Variants in C20orf96 observed in about 807,000 individuals in gnomAD.
C20orf96 encodes the protein chromosome 20 open reading frame 96.
In C20orf96, 57 loss-of-function variants were observed where a neutral mutation model predicts 52.6. The observed-to-expected ratio is 1.08, with a 90% CI of 0.88 to 1.35. The LOEUF is 1.35. Ranked by LOEUF, C20orf96 falls within the 40% of genes most tolerant of loss-of-function variation. C20orf96 has a pLI of 0.00. For synonymous variants in C20orf96, 168 were observed against 157.2 expected, an observed-to-expected ratio of 1.07 and a Z score of -0.51; for missense variants, 478 against 443.6, an observed-to-expected ratio of 1.08 and a Z score of -0.70.
At chr20:289,828 T>C in intron 2 of C20orf96, 152 bp from the exon 3 acceptor site, 1 of 639,208 alleles carries the variant, frequency 1.6e-6, no homozygotes, top group Non-Finnish European at 2.8e-6. Flanking sequence ...AACCTACTTC[T>C]GTGGATTGGC....
chr20:284,267 T>C (rs2012326778), intron 3 of C20orf96, among the ~76,000 whole-genome samples, 186 bp from the exon 4 acceptor site: 1 of 152,158 alleles, frequency 6.6e-6, no homozygotes, highest in African/African-American at 2.4e-5. Flanking sequence ...GGACAGACTC[T>C]GGGCCTCAAT....
intron 3 of C20orf96, among the ~76,000 whole-genome samples, chr20:285,387 A>C (rs186948285): frequency 4.6e-5 from 7 of 152,344 alleles, no homozygotes; most frequent in African/African-American, 1.7e-4. Flanking sequence ...TAATCTCTTT[A>C]ATAGATCAAT....
In C20orf96 at chr20:277,057, C is replaced by A; in HGVS notation, c.812G>T (p.Ser271Ile). 5.6e-6 allele frequency: 9 copies of A among 1,613,660 alleles called. No homozygotes were observed. The highest frequency in any genetic ancestry group is 7.6e-6 in the Non-Finnish European group (9 of 1,179,694). The change falls in exon 8 of 11, where the codon AGT becomes ATT. Residue 271 changes from serine (S) to isoleucine (I), a missense_variant. Ser to Ile is a moderately radical substitution (Grantham distance 142, BLOSUM62 -2). Coordinates refer to ENST00000360321, the MANE Select transcript of C20orf96 (RefSeq NM_153269.3). ...KIQKKKKKIL[S>I]SVVAETQRPY... is the part of the protein sequence containing the mutation. ...CTGGCTACTCACCGCCACCACAGAA[C>A]TCAGAATTTTTTTCTTCTTCTTCTG...
intron 2 of C20orf96, 64 bp downstream of exon 2, chr20:290,195 G>A: frequency 7.8e-7 from 1 of 1,279,136 alleles, no homozygotes; most frequent in Non-Finnish European, 1.1e-6. Context: ...CCGTGAGAGT[G>A]GAGAGCAGGT....
intron 3 of C20orf96, among the ~76,000 whole-genome samples, chr20:289,212 A>G (rs2012473200): frequency 6.7e-6 from 1 of 149,274 alleles, no homozygotes; most frequent in Non-Finnish European, 1.5e-5. Context: ...CCCAAAAAAA[A>G]TGCCCACATA....
chr20:290,459 T>A (rs960785734), intron 1 of C20orf96, 132 bp downstream of exon 1: 8 of 1,507,388 alleles, frequency 5.3e-6, no homozygotes, highest in Admixed American at 4.4e-5. Flanking sequence ...CAAGGAGATG[T>A]GGGCGGGGAG....
chr20:287,245 CTT>C (rs1467543334), intron 3 of C20orf96, among the ~76,000 whole-genome samples: 1 of 152,238 alleles, frequency 6.6e-6, no homozygotes, highest in Non-Finnish European at 1.5e-5. Context: ...AATGGCCACA[CTT>C]GTTTCCAGAG....
chr20:284,730 G>A (rs112678900), intron 3 of C20orf96, among the ~76,000 whole-genome samples: 3,295 of 152,258 alleles, frequency 0.022, 107 homozygotes, highest in African/African-American at 0.075. Context: ...GATGATGGGC[G>A]CCTGTAATCC....
At chr20:272,700 C>T (rs143040181) in intron 10 of C20orf96, among the ~76,000 whole-genome samples, 4 of 152,188 alleles carry the variant, frequency 2.6e-5, no homozygotes, top group East Asian at 1.9e-4. Context: ...TCCCTCACCC[C>T]GCCCCAGCCT....
At position 278,365 on chromosome 20, in the gene C20orf96, T is replaced by C. The variant is rs2012097193; in HGVS notation, c.530A>G (p.Gln177Arg). The change falls in exon 6 of 11, where the codon CAG (glutamine) becomes CGG (arginine). Residue 177 changes from glutamine (Q) to arginine (R), a missense_variant. Physicochemically the swap from Gln to Arg is conservative, Grantham distance 43. Transcript: ENST00000360321. ...GCATTTCTTCTTTTCTTCCCACTCC[T>C]GAAGCTCAGATTTCAATTGCTGCAG... ...KRLQQLKSELQEWEEKKKCKM... is the reference protein window; with the variant it reads ...KRLQQLKSELREWEEKKKCKM... The C allele has an allele frequency of 1.9e-6, 3 of 1,614,038 alleles. No homozygotes were observed. The highest frequency in any genetic ancestry group is 2.5e-6 in the Non-Finnish European group (3 of 1,179,928).
intron 9 of C20orf96, 35 bp downstream of exon 9, chr20:276,758 C>T (rs748555371): frequency 6.2e-7 from 1 of 1,602,296 alleles, no homozygotes; most frequent in Admixed American, 1.7e-5. Context: ...TCCACTGCTT[C>T]CCTACAGGGA....
rs887244381 is a variant in C20orf96 at position 277,000 on chromosome 20, G to A, written c.825+44C>T. ...GGATGGGGAAGAGGGCGGGGTGGGGGTGAGACCTGGATCCCCGCTCCCACA... is the reference window on the plus strand; with the variant it reads ...GGATGGGGAAGAGGGCGGGGTGGGGATGAGACCTGGATCCCCGCTCCCACA... On this transcript the variant is annotated intron_variant, in intron 8 of 10. Coordinates refer to ENST00000360321, the MANE Select transcript of C20orf96 (RefSeq NM_153269.3). 6.3e-6 allele frequency: 10 copies of A among 1,598,088 alleles called. No homozygotes were observed. The African/African-American group carries it at 9.4e-5, about 15-fold the overall frequency.
chr20:279,969 C>CAAT lies in C20orf96; in HGVS notation c.307-642_307-640dup, dbSNP rs558448180. Among the ~76,000 whole-genome samples the CAAT allele has an allele frequency of 3.0e-3, 453 of 150,956 alleles. 1 individual carries two copies. The highest frequency in any genetic ancestry group is 8.8e-3 in the African/African-American group (361 of 41,170). On this transcript the variant is annotated intron_variant, in intron 4 of 10. Transcript: ENST00000360321. ...GGGCGACAGAGGAAGATTCCTGTCC[C>CAAT]AATAATAATAATAATAATAAACGCC...
intron 2 of C20orf96, 42 bp from the exon 3 acceptor site, chr20:289,718 A>C (rs774508454): frequency 6.7e-7 from 1 of 1,483,338 alleles, no homozygotes; most frequent in Non-Finnish European, 9.4e-7. Flanking sequence ...ATGAGTTTAT[A>C]TCCCAGCTCT....
rs2012316543 is a variant in C20orf96, at chr20:283,975, G to C, written c.294C>G (p.Ile98Met). 4 of 1,612,818 alleles carry C rather than the reference G, an allele frequency of 2.5e-6. No individual in the cohort carries two copies. The highest frequency in any genetic ancestry group is 3.4e-6 in the Non-Finnish European group (4 of 1,178,902). ...KLDPGKMHAKIWLMKTSLRSG... is the reference protein window; with the variant it reads ...KLDPGKMHAKMWLMKTSLRSG... ...ATGTGCCTCATACCTTCATTAACCA[G>C]ATTTTGGCATGCATCTTCCCAGGGT... is the stretch of plus-strand genomic sequence containing the variant. The change falls in exon 4 of 11, where the codon ATC (isoleucine) becomes ATG (methionine). Residue 98 changes from isoleucine to methionine, a missense_variant. Physicochemically the swap from Ile to Met is conservative, Grantham distance 10. Transcript: ENST00000360321.
intron 2 of C20orf96, 53 bp downstream of exon 2, chr20:290,206 G>A: frequency 7.2e-7 from 1 of 1,386,286 alleles, no homozygotes; most frequent in East Asian, 2.3e-5. Context: ...GAGAGCAGGT[G>A]GACTGCAGGG....
chr20:279,450 T>C (rs2122276666), intron 4 of C20orf96, 120 bp from the exon 5 acceptor site: 1 of 1,146,508 alleles, frequency 8.7e-7, no homozygotes. Flanking sequence ...GGCCTCCTGC[T>C]GGTAAACGCG....
chr20:282,949 G>T (rs1228997888), intron 4 of C20orf96, among the ~76,000 whole-genome samples: 1 of 152,112 alleles, frequency 6.6e-6, no homozygotes, highest in Non-Finnish European at 1.5e-5. Flanking sequence ...AAACCATTTT[G>T]CAAGATAAAA....
At chr20:279,097 A>AGGGAGGAAGGGC (rs2012160426) in intron 5 of C20orf96, 75 bp downstream of exon 5, 1 of 744,558 alleles carries the variant, frequency 1.3e-6, no homozygotes, top group African/African-American at 7.7e-5. Context: ...GGCGGGACGG[A>AGGGAGGAAGGGC]GGGACGGAGG....
Sources: gnomAD v4.1 joint callset for allele counts (sites outside exome capture counted in the v4.1 genomes callset) on GRCh38, gnomAD v4.1.1 for gene constraint, MANE v1.5 for transcripts, NCBI Gene and HGNC (gene_info 2026-07-23, HGNC 2026-07-21) for gene names.